The following RANBP2 variants were observed in gnomAD, a reference collection of about 807,000 sequenced individuals.
RANBP2 encodes the protein E3 SUMO-protein ligase RanBP2.
Under a neutral mutation model 303.6 loss-of-function variants are expected in RANBP2, and 57 were observed. That is an observed-to-expected ratio of 0.19 (90% confidence interval 0.15 to 0.23). The LOEUF is 0.23. RANBP2 is among the 10% of genes least tolerant of loss of function. RANBP2 has a pLI of 1.00. For synonymous variants in RANBP2, 1,167 were observed against 1,301.5 expected, an observed-to-expected ratio of 0.90 and a Z score of 2.23; for missense variants, 3,138 against 3,780.8, an observed-to-expected ratio of 0.83 and a Z score of 4.46.
the RANBP2 span, among the ~76,000 whole-genome samples, chr2:109,239,110 G>A: frequency 6.6e-6 from 1 of 152,178 alleles, no homozygotes; most frequent in South Asian, 2.1e-4. Flanking sequence ...TCCAAGACAC[G>A]TCTTTTCCGA....
At chr2:109,379,578 C>T in the RANBP2 span, among the ~76,000 whole-genome samples, 2 of 152,224 alleles carry the variant, frequency 1.3e-5, no homozygotes, top group Admixed American at 1.3e-4. Flanking sequence ...TGCCAGGGAA[C>T]GCTGGGGAAG....
the RANBP2 span, among the ~76,000 whole-genome samples, chr2:108,880,958 A>G: frequency 6.6e-6 from 1 of 152,254 alleles, no homozygotes; most frequent in Non-Finnish European, 1.5e-5. Context: ...GAAGTTCAAA[A>G]TATCAACATT....
chr2:109,359,410 A>G, the RANBP2 span, among the ~76,000 whole-genome samples: 8 of 152,138 alleles, frequency 5.3e-5, no homozygotes, highest in African/African-American at 1.9e-4. Context: ...TGAACATGAA[A>G]TATCTATTTG....
At chr2:109,490,843 G>A in the RANBP2 span, 1 of 1,536,646 alleles carries the variant, frequency 6.5e-7, no homozygotes, top group Non-Finnish European at 8.7e-7. Flanking sequence ...AGGAAGGCAG[G>A]CTCCTTGGAT....
chr2:109,214,786 C>T, the RANBP2 span, among the ~76,000 whole-genome samples: 3 of 152,184 alleles, frequency 2.0e-5, no homozygotes, highest in Admixed American at 6.5e-5. Context: ...TCTGGACTTG[C>T]GTCCTCACCC....
At chr2:109,701,616 A>C in the RANBP2 span, among the ~76,000 whole-genome samples, 1 of 152,152 alleles carries the variant, frequency 6.6e-6, no homozygotes, top group Non-Finnish European at 1.5e-5. Flanking sequence ...AAGCAATCAG[A>C]TACGCATGTG....
At chr2:109,700,282 T>C in the RANBP2 span, among the ~76,000 whole-genome samples, 1 of 152,222 alleles carries the variant, frequency 6.6e-6, no homozygotes, top group Non-Finnish European at 1.5e-5. Flanking sequence ...GAAAGTTTTA[T>C]TTTGCCAAGG....
the RANBP2 span, among the ~76,000 whole-genome samples, chr2:109,196,056 C>G: frequency 6.6e-6 from 1 of 152,222 alleles, no homozygotes; most frequent in Non-Finnish European, 1.5e-5. Context: ...CAGGTGATGT[C>G]GAAGGGCTCC....
chr2:108,811,129 T>A, the RANBP2 span, among the ~76,000 whole-genome samples: 1 of 151,260 alleles, frequency 6.6e-6, no homozygotes, highest in South Asian at 2.1e-4. Context: ...CTTTCCTTCT[T>A]CCCTTCTTCC....
the RANBP2 span, among the ~76,000 whole-genome samples, chr2:109,675,339 C>T: frequency 6.6e-6 from 1 of 152,224 alleles, no homozygotes; most frequent in South Asian, 2.1e-4. Flanking sequence ...GCACCACTTT[C>T]TGAATCGAAT....
chr2:109,503,191 T>A, the RANBP2 span: 3 of 152,298 alleles, frequency 2.0e-5, no homozygotes, highest in African/African-American at 7.2e-5. Flanking sequence ...AAAATTTTGA[T>A]CCATCACCCC....
chr2:109,339,346 G>A, the RANBP2 span, among the ~76,000 whole-genome samples: 86 of 152,248 alleles, frequency 5.6e-4, no homozygotes, highest in African/African-American at 2.0e-3. Flanking sequence ...ATGATGTGGT[G>A]GTTGGTTTGG....
At chr2:109,522,694 A>T in the RANBP2 span, among the ~76,000 whole-genome samples, 1 of 151,980 alleles carries the variant, frequency 6.6e-6, no homozygotes, top group Non-Finnish European at 1.5e-5. Flanking sequence ...CCAAACGTTC[A>T]GTGCATCAGG....
intron 9 of RANBP2, among the ~76,000 whole-genome samples, chr2:108,750,260 A>G (rs1675765336): frequency 6.6e-6 from 1 of 152,266 alleles, no homozygotes; most frequent in Non-Finnish European, 1.5e-5. Context: ...TCTCTCCCAC[A>G]GTCTCTGTAT....
chr2:109,162,859 G>T, the RANBP2 span, among the ~76,000 whole-genome samples: 8 of 140,258 alleles, frequency 5.7e-5, no homozygotes, highest in Non-Finnish European at 1.2e-4. Flanking sequence ...CCTTGGTATT[G>T]CAGGGTTAGA....
chr2:109,247,941 A>T, the RANBP2 span, among the ~76,000 whole-genome samples: 1 of 152,170 alleles, frequency 6.6e-6, no homozygotes, highest in African/African-American at 2.4e-5. Context: ...GCAGACTCCA[A>T]CGTGCAAGCG....
the RANBP2 span, among the ~76,000 whole-genome samples, chr2:109,284,248 TG>T: frequency 6.6e-6 from 1 of 152,220 alleles, no homozygotes. Flanking sequence ...CTTGTCATTT[TG>T]GTGGGTGTTC....
chr2:109,213,236 G>T, the RANBP2 span, among the ~76,000 whole-genome samples: 26 of 152,292 alleles, frequency 1.7e-4, no homozygotes, highest in South Asian at 6.2e-4. Context: ...CTGCTTCTGA[G>T]CTCAGTGATG....
chr2:109,328,918 G>A, the RANBP2 span, among the ~76,000 whole-genome samples: 9 of 152,168 alleles, frequency 5.9e-5, no homozygotes, highest in African/African-American at 1.9e-4. Context: ...GAGAGCTGAG[G>A]CTTCCCTGGG....
Sources: allele counts gnomAD v4.1 joint callset (sites outside exome capture counted in the v4.1 genomes callset), GRCh38; gene constraint gnomAD v4.1.1; transcripts MANE v1.5; gene names NCBI Gene and HGNC (gene_info 2026-07-23, HGNC 2026-07-21).